The following DLGAP2 variants were observed in gnomAD, a reference collection of about 807,000 sequenced individuals.
DLGAP2 encodes the protein disks large-associated protein 2.
Under a neutral mutation model 100.3 loss-of-function variants are expected in DLGAP2, and 26 were observed. The ratio of observed to expected loss-of-function variants is 0.26; its 90% CI spans 0.19 to 0.36. DLGAP2 has a LOEUF of 0.36. Among genes scored for constraint, DLGAP2 ranks in the 10% least tolerant of loss-of-function variants. The probability of loss-of-function intolerance (pLI) is 1.00; values close to 1 mark genes in which losing one functional copy is unlikely to be tolerated. For missense variants in DLGAP2, 1,858 were observed against 1,453.2 expected, an observed-to-expected ratio of 1.28 and a Z score of -4.53; for synonymous variants, 886 against 630.1, an observed-to-expected ratio of 1.41 and a Z score of -6.08.
At chr8:1,092,740 T>G (rs1238941358) in intron 2 of DLGAP2, among the ~76,000 whole-genome samples, 2 of 152,186 alleles carry the variant, frequency 1.3e-5, no homozygotes, top group Non-Finnish European at 2.9e-5. Context: ...CGACTTGGCC[T>G]GGGAGCCCAG....
chr8:1,191,872 C>G (rs1797647592), intron 2 of DLGAP2, among the ~76,000 whole-genome samples: 1 of 152,136 alleles, frequency 6.6e-6, no homozygotes, highest in Non-Finnish European at 1.5e-5. Context: ...ATAGGAAGCG[C>G]CTTTATTCTT....
At chr8:1,003,954 T>C (rs536179939) in intron 2 of DLGAP2, among the ~76,000 whole-genome samples, 35 of 152,372 alleles carry the variant, frequency 2.3e-4, no homozygotes, top group Admixed American at 9.1e-4. Context: ...CAAAAGATTG[T>C]AAATTATTCC....
chr8:1,630,286 C>A (rs535161704), intron 7 of DLGAP2, among the ~76,000 whole-genome samples: 16 of 152,296 alleles, frequency 1.1e-4, no homozygotes, highest in African/African-American at 3.6e-4. Flanking sequence ...CCCTAGGCCA[C>A]GAGACCTGAC....
intron 2 of DLGAP2, among the ~76,000 whole-genome samples, chr8:1,018,560 C>G (rs940025348): frequency 1.3e-5 from 2 of 152,212 alleles, no homozygotes; most frequent in African/African-American, 4.8e-5. Context: ...CCTCCTGGCT[C>G]TGCCTGTGCT....
At chr8:1,616,504 T>C (rs2130745084) in intron 6 of DLGAP2, among the ~76,000 whole-genome samples, 1 of 151,450 alleles carries the variant, frequency 6.6e-6, no homozygotes, top group South Asian at 2.1e-4. Flanking sequence ...AAGGAAGGGG[T>C]CAAACAGAAA....
intron 2 of DLGAP2, among the ~76,000 whole-genome samples, chr8:966,265 G>C (rs143259284): frequency 6.6e-6 from 1 of 152,318 alleles, no homozygotes; most frequent in African/African-American, 2.4e-5. Flanking sequence ...AGTTGTCCAC[G>C]TTGGGGTATG....
intron 2 of DLGAP2, among the ~76,000 whole-genome samples, chr8:996,876 A>AT (rs1417354867): frequency 1.3e-5 from 2 of 152,198 alleles, no homozygotes; most frequent in African/African-American, 4.8e-5. Context: ...TTACACATAG[A>AT]TTTTAAAGCT....
At chr8:1,323,328 C>A (rs1800949076) in intron 3 of DLGAP2, among the ~76,000 whole-genome samples, 1 of 152,184 alleles carries the variant, frequency 6.6e-6, no homozygotes, top group African/African-American at 2.4e-5. Context: ...CTGCACCCGG[C>A]CTGAAACTCA....
chr8:784,898 T>A (rs1233650226), intron 1 of DLGAP2, among the ~76,000 whole-genome samples: 7 of 152,092 alleles, frequency 4.6e-5, no homozygotes, highest in African/African-American at 1.7e-4. Flanking sequence ...TTTCTTATTT[T>A]ACAGCCACTA....
At chr8:1,674,487 A>G (rs990132971) in intron 10 of DLGAP2, among the ~76,000 whole-genome samples, 1 of 152,274 alleles carries the variant, frequency 6.6e-6, no homozygotes, top group South Asian at 2.1e-4. Flanking sequence ...CACACTGGTC[A>G]GAATTTAAGG....
At chr8:1,619,291 G>C (rs368481715) in intron 6 of DLGAP2, among the ~76,000 whole-genome samples, 1 of 152,212 alleles carries the variant, frequency 6.6e-6, no homozygotes, top group Admixed American at 6.5e-5. Context: ...AATTTCACTA[G>C]AATGGCCTAA....
intron 6 of DLGAP2, among the ~76,000 whole-genome samples, chr8:1,571,941 G>A (rs1253480709): frequency 3.6e-5 from 5 of 139,410 alleles, no homozygotes; most frequent in South Asian, 2.4e-4. Flanking sequence ...CTGCTGGGAT[G>A]GAGAGGAGAG....
chr8:899,331 C>T (rs1192625784), intron 1 of DLGAP2, among the ~76,000 whole-genome samples: 2 of 152,240 alleles, frequency 1.3e-5, no homozygotes, highest in African/African-American at 4.8e-5. Flanking sequence ...GAGACGTCCC[C>T]TGAGCAGCCT....
At chr8:1,355,614 C>A (rs1432117346) in intron 3 of DLGAP2, among the ~76,000 whole-genome samples, 1 of 152,146 alleles carries the variant, frequency 6.6e-6, no homozygotes, top group Non-Finnish European at 1.5e-5. Context: ...CCACCTGTCT[C>A]GGCCTCCCAG....
At chr8:1,408,840 A>G (rs761600049) in intron 3 of DLGAP2, among the ~76,000 whole-genome samples, 7 of 151,946 alleles carry the variant, frequency 4.6e-5, no homozygotes, top group East Asian at 3.9e-4. Flanking sequence ...CTGTCATTTA[A>G]CATTAAGGTG....
chr8:1,067,174 C>T (rs1225082062), intron 2 of DLGAP2, among the ~76,000 whole-genome samples: 2 of 152,236 alleles, frequency 1.3e-5, no homozygotes, highest in African/African-American at 2.4e-5. Flanking sequence ...CCACGTTGTC[C>T]ATGTGCCCTG....
At chr8:1,097,486 C>A (rs1195771479) in intron 2 of DLGAP2, among the ~76,000 whole-genome samples, 2 of 136,366 alleles carry the variant, frequency 1.5e-5, no homozygotes, top group Non-Finnish European at 3.1e-5. Flanking sequence ...CTAGGGCAGG[C>A]CTTCACCCTC....
At position 1,698,162 on chromosome 8, in the gene DLGAP2, T is replaced by G. The variant is rs149526290; in HGVS notation, c.2949+863T>G. On this transcript the variant is annotated intron_variant, in intron 14 of 14. Transcript: ENST00000637795. ...GAAGGTGCCCTGGCCACTAGTGGAG[T>G]TCCAGGCCAGATGCAATGGATCCAC... Among the ~76,000 whole-genome samples the G allele has an allele frequency of 5.4e-3, 826 of 152,084 alleles. 18 individuals are homozygous for G. The East Asian group carries it at 0.063, about 12-fold the overall frequency.
chr8:1,168,165 A>G (rs1797057264), intron 2 of DLGAP2, among the ~76,000 whole-genome samples: 1 of 151,114 alleles, frequency 6.6e-6, no homozygotes, highest in Non-Finnish European at 1.5e-5. Flanking sequence ...GTTTACTGAG[A>G]ATGATGATTT....
Sources: allele counts gnomAD v4.1 joint callset (sites outside exome capture counted in the v4.1 genomes callset), GRCh38; gene constraint gnomAD v4.1.1; transcripts MANE v1.5; gene names NCBI Gene and HGNC (gene_info 2026-07-23, HGNC 2026-07-21).